Variants in FAM120B observed in about 807,000 individuals in gnomAD.
FAM120B encodes the protein constitutive coactivator of peroxisome proliferator-activated receptor gamma.
A neutral mutation model predicts 96.3 loss-of-function variants in FAM120B; 83 were observed. The observed-to-expected ratio is 0.86, with a 90% CI of 0.72 to 1.03. FAM120B has a LOEUF of 1.03. Ranked by LOEUF, FAM120B falls within the 50% of genes least tolerant of loss-of-function variation. FAM120B has a pLI of 0.00. For synonymous variants in FAM120B, 407 were observed against 402.7 expected (o/e 1.01, Z -0.13); for missense variants, 1,027 against 1,121.2 (o/e 0.92, Z 1.20).
intron 6 of FAM120B, among the ~76,000 whole-genome samples, chr6:170,365,985 C>G (rs1290376153): frequency 6.6e-6 from 1 of 152,072 alleles, no homozygotes; most frequent in Non-Finnish European, 1.5e-5. Context: ...GCAGGAACTC[C>G]TCACAATCAT....
chr6:170,400,430 T>G (rs1778502152), intron 9 of FAM120B, among the ~76,000 whole-genome samples: 1 of 152,224 alleles, frequency 6.6e-6, no homozygotes, highest in Non-Finnish European at 1.5e-5. Context: ...TCACAGGCTT[T>G]TCTTTATTTC....
rs568941150 is a variant in FAM120B, at chr6:170,378,488, G to A, written c.2284-9799G>A. Among the ~76,000 whole-genome samples the A allele has an allele frequency of 2.0e-4, 31 of 152,228 alleles. 1 individual carries two copies. In the South Asian group the frequency reaches 5.8e-3, roughly 28 times the overall value. On this transcript the variant is annotated intron_variant, in intron 6 of 10. Transcript: ENST00000476287. ...GTAAAGTTTCTTGTCAGTTCATTCC[G>A]TTTGTTGAAAACAGTAAAAAAATAC...
chr6:170,356,556 G>T (rs1467009149), intron 5 of FAM120B, among the ~76,000 whole-genome samples: 2 of 152,174 alleles, frequency 1.3e-5, no homozygotes, highest in African/African-American at 4.8e-5. Context: ...ATATGTGAGG[G>T]ATTGGTCCCA....
At chr6:170,399,300 C>G (rs974631688) in intron 9 of FAM120B, among the ~76,000 whole-genome samples, 39 of 145,914 alleles carry the variant, frequency 2.7e-4, no homozygotes, top group Admixed American at 3.4e-4. Context: ...GAAGGTAGAA[C>G]TATGTCATAA....
At chr6:170,305,893 G>C (rs1483644938), upstream of FAM120B, among the ~76,000 whole-genome samples, 2 of 152,232 alleles carry the variant, frequency 1.3e-5, no homozygotes, top group South Asian at 4.1e-4. Context: ...GCAGAAATAA[G>C]ACTGAGATTG....
At chr6:170,332,740 C>T (rs1374669578) in intron 4 of FAM120B, among the ~76,000 whole-genome samples, 2 of 152,094 alleles carry the variant, frequency 1.3e-5, no homozygotes, top group Non-Finnish European at 2.9e-5. Flanking sequence ...CCTTCCTGTC[C>T]ACCTGTCAGG....
chr6:170,366,770 A>G (rs1242711451), intron 6 of FAM120B, among the ~76,000 whole-genome samples: 2 of 152,216 alleles, frequency 1.3e-5, no homozygotes, highest in East Asian at 3.8e-4. Flanking sequence ...CTTTGTCGGC[A>G]TGAGTACACA....
At chr6:170,336,152 G>A (rs9366208) in intron 4 of FAM120B, among the ~76,000 whole-genome samples, 13,091 of 152,166 alleles carry the variant, frequency 0.086, 743 homozygotes, top group East Asian at 0.2. Context: ...TATTGTCTAG[G>A]TTTTCTTCTA....
intron 1 of FAM120B, among the ~76,000 whole-genome samples, chr6:170,313,015 C>A (rs1468077695): frequency 6.6e-6 from 1 of 152,074 alleles, no homozygotes; most frequent in African/African-American, 2.4e-5. Flanking sequence ...GGGCTCAAGG[C>A]CCTAGCAAAA....
Position 170,394,502 on chromosome 6 carries a change from CAA to C in FAM120B, c.2600-984_2600-983del, listed in dbSNP as rs1443906621. 2.8e-4 allele frequency among the ~76,000 whole-genome samples: 39 copies of C among 141,416 alleles called. 1 individual carries two copies. In the East Asian group the frequency reaches 4.0e-3, roughly 15 times the overall value. 92.8% of individuals were successfully genotyped at this position (141,416 alleles called of 152,430 possible). On this transcript the variant is annotated intron_variant, in intron 8 of 10. Coordinates refer to ENST00000476287, the MANE Select transcript of FAM120B (RefSeq NM_032448.3). Reference sequence around the variant, plus strand: ...CCGTGGACACCGCAGCATGCCAGCACAAGGCCACGCCTCCGTGGACACCGCAG... The same window carrying C: ...CCGTGGACACCGCAGCATGCCAGCACGGCCACGCCTCCGTGGACACCGCAG...
At chr6:170,291,787 C>CTT (rs1783883111), upstream of FAM120B, among the ~76,000 whole-genome samples, 1 of 152,094 alleles carries the variant, frequency 6.6e-6, no homozygotes, top group Non-Finnish European at 1.5e-5. Flanking sequence ...GAGTAGGGGC[C>CTT]CGGGGGCCGG....
At chr6:170,381,934 A>G (rs1075163) in intron 6 of FAM120B, among the ~76,000 whole-genome samples, 14,572 of 152,262 alleles carry the variant, frequency 0.096, 885 homozygotes, top group East Asian at 0.21. Context: ...CTTTTCTCCA[A>G]TATCAGGGAT....
At chr6:170,296,210 G>T (rs1034003459) in intron 1 of FAM120B, among the ~76,000 whole-genome samples, 4 of 152,148 alleles carry the variant, frequency 2.6e-5, no homozygotes, top group Non-Finnish European at 5.9e-5. Flanking sequence ...GGGACCCGGG[G>T]CTGGGGGGCC....
chr6:170,327,859 C>G (rs1184667549), intron 3 of FAM120B, among the ~76,000 whole-genome samples: 57 of 138,476 alleles, frequency 4.1e-4, no homozygotes, highest in African/African-American at 1.4e-3. Context: ...AGTGAAGAGT[C>G]AGTGGGAAGG....
chr6:170,330,020 C>T (rs1169301655), intron 3 of FAM120B, among the ~76,000 whole-genome samples: 1 of 152,222 alleles, frequency 6.6e-6, no homozygotes, highest in Non-Finnish European at 1.5e-5. Flanking sequence ...CTCCTCCCTT[C>T]AGAGTTCCTC....
At chr6:170,390,904 C>T (rs1790445567) in intron 7 of FAM120B, 109 bp from the exon 8 acceptor site, 2 of 853,674 alleles carry the variant, frequency 2.3e-6, no homozygotes, top group South Asian at 1.4e-5. Context: ...GCTGCCTCGC[C>T]TTGGGAACAG....
chr6:170,333,704 T>A (rs1284249221), intron 4 of FAM120B, among the ~76,000 whole-genome samples: 1 of 152,100 alleles, frequency 6.6e-6, no homozygotes, highest in Non-Finnish European at 1.5e-5. Context: ...CAGGCTGGTC[T>A]CAAACTCCTG....
intron 9 of FAM120B, among the ~76,000 whole-genome samples, chr6:170,400,517 C>T (rs1583320394): frequency 1.3e-5 from 2 of 152,242 alleles, no homozygotes; most frequent in South Asian, 2.1e-4. Flanking sequence ...GGTTCTGCCC[C>T]TTCCCAGTGG....
chr6:170,367,405 C>T (rs906156205), intron 6 of FAM120B, among the ~76,000 whole-genome samples: 3 of 152,224 alleles, frequency 2.0e-5, no homozygotes, highest in African/African-American at 4.8e-5. Flanking sequence ...TTTCTATGTC[C>T]GAAATGGTTT....
Sources: gnomAD v4.1 joint callset for allele counts (sites outside exome capture counted in the v4.1 genomes callset) on GRCh38, gnomAD v4.1.1 for gene constraint, MANE v1.5 for transcripts, NCBI Gene and HGNC (gene_info 2026-07-23, HGNC 2026-07-21) for gene names.